Variants in ATP11A observed in about 807,000 individuals in gnomAD.
The protein encoded by ATP11A is ATPase phospholipid transporting 11A, also known as phospholipid-transporting ATPase IH.
Under a neutral mutation model 154.4 loss-of-function variants are expected in ATP11A, and 81 were observed. The observed-to-expected ratio is 0.52, with a 90% CI of 0.44 to 0.63. The LOEUF (loss-of-function observed/expected upper bound fraction) is 0.63. Among genes scored for constraint, ATP11A ranks in the 30% least tolerant of loss-of-function variants. The pLI is 0.00. For synonymous variants in ATP11A, 623 were observed against 585.9 expected (o/e 1.06, Z -0.91); for missense variants, 1,316 against 1,474.3 (o/e 0.89, Z 1.76).
intron 17 of ATP11A, among the ~76,000 whole-genome samples, chr13:112,850,692 C>A (rs987996130): frequency 6.6e-6 from 1 of 151,974 alleles, no homozygotes; most frequent in African/African-American, 2.4e-5. Flanking sequence ...AAATTTAACT[C>A]TGCATTTGTC....
chr13:112,792,082 G>A (rs1229154871), intron 2 of ATP11A, among the ~76,000 whole-genome samples: 1 of 152,178 alleles, frequency 6.6e-6, no homozygotes, highest in Non-Finnish European at 1.5e-5. Context: ...CACAGAGGTG[G>A]GATTAGTAGC....
At chr13:112,765,930 C>A (rs964288116) in intron 1 of ATP11A, among the ~76,000 whole-genome samples, 3 of 152,272 alleles carry the variant, frequency 2.0e-5, no homozygotes, top group African/African-American at 7.2e-5. Flanking sequence ...TCTGAAGCCG[C>A]GGCTTCCTTG....
intron 1 of ATP11A, among the ~76,000 whole-genome samples, chr13:112,741,099 A>G (rs116708870): frequency 5.9e-4 from 90 of 152,364 alleles, no homozygotes; most frequent in African/African-American, 2.1e-3. Flanking sequence ...TGTAAAGCCA[A>G]AGAAAGCCAC....
In ATP11A at chr13:112,882,183, CTG is replaced by C; in HGVS notation, c.*320_*321del. 3 of 1,245,448 alleles carry C rather than the reference CTG, an allele frequency of 2.4e-6. No individual in the cohort carries two copies. The highest frequency in any genetic ancestry group is 3.2e-6 in the Non-Finnish European group (3 of 950,356). 77.1% of individuals were successfully genotyped at this position (1,245,448 alleles called of 1,614,324 possible). A position where few individuals can be genotyped will look rare whatever the true frequency, so the allele number is the denominator to read the frequency against. On this transcript the variant is annotated 3_prime_UTR_variant, in exon 30 of 30. Transcript: ENST00000375645. This position sits in a 1 kb window ranked among gnomAD's most constrained non-coding sequence, Gnocchi z 5.1. Reference sequence around the variant, plus strand: ...GCACCCTGGCCGCCTGGACCCAGCACTGTGGTTGTTGAGCCACACCAGTGGCC... The same window carrying C: ...GCACCCTGGCCGCCTGGACCCAGCACTGGTTGTTGAGCCACACCAGTGGCC...
At chr13:112,722,300 G>T in intron 1 of ATP11A, among the ~76,000 whole-genome samples, 1 of 145,616 alleles carries the variant, frequency 6.9e-6, no homozygotes, top group African/African-American at 2.5e-5. Flanking sequence ...GGAGGAGGGT[G>T]GGCCCGGGGA....
chr13:112,843,790 G>A (rs1016159599), intron 17 of ATP11A, among the ~76,000 whole-genome samples: 2 of 152,232 alleles, frequency 1.3e-5, no homozygotes, highest in Non-Finnish European at 2.9e-5. Flanking sequence ...GCCAGAGCCT[G>A]TGAACTTCGT....
intron 4 of ATP11A, among the ~76,000 whole-genome samples, chr13:112,810,259 G>C (rs1010753529): frequency 6.6e-6 from 1 of 152,252 alleles, no homozygotes; most frequent in Non-Finnish European, 1.5e-5. Flanking sequence ...GAGCCTGGAA[G>C]GCTTGCTCAT....
chr13:112,732,457 G>GGTCTGT (rs1890585336), intron 1 of ATP11A, among the ~76,000 whole-genome samples: 3 of 151,344 alleles, frequency 2.0e-5, no homozygotes, highest in Non-Finnish European at 4.4e-5. Context: ...TCTCTCTCCA[G>GGTCTGT]CTCTGTCTCT....
intron 1 of ATP11A, among the ~76,000 whole-genome samples, chr13:112,741,309 G>T (rs1292054222): frequency 2.0e-5 from 3 of 150,066 alleles, no homozygotes; most frequent in Non-Finnish European, 3.0e-5. Context: ...TAGTCGGGAG[G>T]GTTGGGCAGC....
chr13:112,810,531 T>G (rs1398703085), intron 4 of ATP11A, 88 bp from the exon 5 acceptor site: 17 of 1,121,366 alleles, frequency 1.5e-5, no homozygotes, highest in Non-Finnish European at 2.3e-5. Flanking sequence ...TAGACATAAT[T>G]AAACACAAGC....
intron 1 of ATP11A, among the ~76,000 whole-genome samples, chr13:112,695,263 C>G (rs945787995): frequency 2.5e-4 from 38 of 152,200 alleles, no homozygotes; most frequent in African/African-American, 8.4e-4. Flanking sequence ...GAATCCAAGA[C>G]TAATAATCTG....
At chr13:112,864,327 G>C (rs61961586) in intron 25 of ATP11A, among the ~76,000 whole-genome samples, 680 of 23,220 alleles carry the variant, frequency 0.029, 18 homozygotes, top group East Asian at 0.056. Flanking sequence ...TCACCACATG[G>C]GCAGTAATTC....
chr13:112,742,653 G>GGCAGTCTC (rs374179714), intron 1 of ATP11A, among the ~76,000 whole-genome samples: 7 of 152,216 alleles, frequency 4.6e-5, no homozygotes, highest in African/African-American at 1.7e-4. Flanking sequence ...GGCTTCCTGA[G>GGCAGTCTC]GCAGTCTCAG....
In ATP11A at chr13:112,836,238, A is replaced by G; in HGVS notation, c.1692A>G (p.Val564=). The change falls in exon 16 of 30, where the codon GTA becomes GTG. Residue 564 remains valine, a synonymous_variant. Coordinates refer to ENST00000375645, the MANE Select transcript of ATP11A (RefSeq NM_015205.3). ...TCAGAAGGAGAATGAGTGTAATTGT[A>G]AAATCTGCTACAGGTAAAATTTCTT... ...DSVRRRMSVI[V]KSATGEIYLF... 2.5e-6 allele frequency: 4 copies of G among 1,608,478 alleles called. No homozygotes were observed. Among genetic ancestry groups the G allele is most frequent in the South Asian group, 1.1e-5 (1 of 90,322 alleles).
chr13:112,727,833 C>A (rs530451714), intron 1 of ATP11A, among the ~76,000 whole-genome samples: 1 of 152,258 alleles, frequency 6.6e-6, no homozygotes, highest in Non-Finnish European at 1.5e-5. Context: ...GGGACTCCGG[C>A]GCTGGGCGAG....
At position 112,765,420 on chromosome 13, in the gene ATP11A, C is replaced by T. The variant is rs552457501; in HGVS notation, c.40-19715C>T. On this transcript the variant is annotated intron_variant, in intron 1 of 29. Transcript: ENST00000375645. The stretch of plus-strand genomic sequence containing the variant: ...GCAGCCTCCTCCGGGCAGGCCCCGC[C>T]TCTGCTCCCTTCCCCTCACTCCATC... Among the ~76,000 whole-genome samples, 6 of 152,372 alleles carry T rather than the reference C, an allele frequency of 3.9e-5. No individual in the cohort carries two copies. The East Asian group carries it at 1.2e-3, about 29-fold the overall frequency.
chr13:112,853,455 T>C (rs1256968333), intron 18 of ATP11A, among the ~76,000 whole-genome samples: 1 of 152,200 alleles, frequency 6.6e-6, no homozygotes, highest in East Asian at 1.9e-4. Flanking sequence ...CCTTTCATAC[T>C]TTCTAGAAGC....
intron 2 of ATP11A, among the ~76,000 whole-genome samples, chr13:112,789,480 C>T (rs1171364178): frequency 6.9e-6 from 1 of 144,582 alleles, no homozygotes; most frequent in Non-Finnish European, 1.5e-5. Flanking sequence ...CTACTTAATT[C>T]ACACCAGTGT....
At chr13:112,843,401 C>T (rs1264425375) in intron 17 of ATP11A, among the ~76,000 whole-genome samples, 3 of 152,222 alleles carry the variant, frequency 2.0e-5, no homozygotes, top group African/African-American at 7.2e-5. Context: ...CACCCTTCTC[C>T]CGACACCACC....
Sources: allele counts gnomAD v4.1 joint callset (sites outside exome capture counted in the v4.1 genomes callset), GRCh38; gene constraint gnomAD v4.1.1; non-coding constraint Gnocchi (gnomAD v3.1); transcripts MANE v1.5; gene names NCBI Gene and HGNC (gene_info 2026-07-23, HGNC 2026-07-21).